DYNLRB2: variants seen among roughly 807,000 people sequenced by gnomAD.
The protein encoded by DYNLRB2 is dynein light chain roadblock-type 2.
Under a neutral mutation model 12.6 loss-of-function variants are expected in DYNLRB2, and 14 were observed. The ratio of observed to expected loss-of-function variants is 1.11; its 90% CI spans 0.73 to 1.73. DYNLRB2 has a LOEUF of 1.73. DYNLRB2 is among the 40% of genes most tolerant of loss of function. The pLI, the probability that DYNLRB2 is intolerant of heterozygous loss-of-function variation, is 0.00. For missense variants in DYNLRB2, 142 were observed against 117.7 expected (o/e 1.21, Z -0.95); for synonymous variants, 53 against 37.0 (o/e 1.43, Z -1.57).
At chr16:80,546,487 G>A (rs901257657) in intron 2 of DYNLRB2, among the ~76,000 whole-genome samples, 2 of 151,934 alleles carry the variant, frequency 1.3e-5, no homozygotes, top group East Asian at 1.9e-4. Flanking sequence ...ATAGTCCTTC[G>A]GTTTCACTGT....
Position 80,549,617 on chromosome 16 carries a change from C to T in DYNLRB2, c.213C>T (p.Ile71=), listed in dbSNP as rs762959332. The stretch of plus-strand genomic sequence containing the variant: ...AGAACGACCTGACTTTTCTTAGGAT[C>T]AGATCAAAGAAACATGAAATCATGG... ...DPQNDLTFLR[I]RSKKHEIMVA... The change falls in exon 3 of 4, where the codon ATC becomes ATT. Residue 71 remains isoleucine (I), a synonymous_variant. Transcript: ENST00000305904. 1.9e-6 allele frequency: 3 copies of T among 1,611,610 alleles called. No homozygotes were observed. Among genetic ancestry groups the T allele is most frequent in the East Asian group, 2.2e-5 (1 of 44,824 alleles).
intron 2 of DYNLRB2, among the ~76,000 whole-genome samples, chr16:80,548,459 G>T (rs1367677538): frequency 6.6e-6 from 1 of 152,132 alleles, no homozygotes; most frequent in Non-Finnish European, 1.5e-5. Context: ...GGGCATGGTG[G>T]CTCACGCCTG....
rs761636142 is a variant in DYNLRB2, at chr16:80,549,530, T to C, written c.126T>C (p.Tyr42=). The change falls in exon 3 of 4, where the codon TAT becomes TAC. Residue 42 remains tyrosine, a synonymous_variant. Coordinates refer to ENST00000305904, the MANE Select transcript of DYNLRB2 (RefSeq NM_130897.3). The part of the protein sequence containing the change: ...TTLDNSTTVQ[Y]AGLLHHLTMK... ...TGGACAACTCAACAACTGTTCAATA[T>C]GCAGGCCTTCTTCATCACCTGACAA... is the stretch of plus-strand genomic sequence containing the variant. 4.3e-6 allele frequency: 7 copies of C among 1,613,472 alleles called. No individual in the cohort carries two copies. The highest frequency in any genetic ancestry group is 1.1e-5 in the South Asian group (1 of 91,006).
At chr16:80,546,152 A>G (rs1904452933) in intron 2 of DYNLRB2, among the ~76,000 whole-genome samples, 1 of 152,206 alleles carries the variant, frequency 6.6e-6, no homozygotes, top group Admixed American at 6.5e-5. Context: ...AGAGTATATA[A>G]CAAGGGTGTT....
intron 1 of DYNLRB2, 48 bp downstream of exon 1, chr16:80,541,127 C>T (rs1474986272): frequency 1.3e-6 from 2 of 1,590,660 alleles, no homozygotes; most frequent in Non-Finnish European, 8.6e-7. Flanking sequence ...AGCACGCCGA[C>T]CGTCAAGGAC....
chr16:80,546,584 T>A (rs1302441611), intron 2 of DYNLRB2, among the ~76,000 whole-genome samples: 1 of 152,240 alleles, frequency 6.6e-6, no homozygotes, highest in Non-Finnish European at 1.5e-5. Context: ...GAGTAGATTT[T>A]TGTTAGCATT....
At position 80,549,266 on chromosome 16, in the gene DYNLRB2, C is replaced by T. The variant is rs960540259; in HGVS notation, c.80-218C>T. ...TATAATTTTGTGAAGAAAAAAGCAA[C>T]AGTCAAGTTTGTAAATATAGTTTCA... is the stretch of plus-strand genomic sequence containing the variant. On this transcript the variant is annotated intron_variant, in intron 2 of 3. Coordinates refer to ENST00000305904, the MANE Select transcript of DYNLRB2 (RefSeq NM_130897.3). The T allele has an allele frequency of 8.2e-5, 39 of 476,732 alleles. No homozygotes were observed. In the Admixed American group the frequency reaches 1.3e-3, roughly 16 times the overall value. 29.5% of individuals were successfully genotyped at this position (476,732 alleles called of 1,614,324 possible). A position where few individuals can be genotyped will look rare whatever the true frequency, so the allele number is the denominator to read the frequency against.
intron 1 of DYNLRB2, among the ~76,000 whole-genome samples, chr16:80,542,853 G>A (rs1477608210): frequency 6.6e-6 from 1 of 152,184 alleles, no homozygotes; most frequent in Non-Finnish European, 1.5e-5. Context: ...GACAGAGGGA[G>A]GCCATGATAT....
At chr16:80,540,965 A>C (rs990760734), upstream of DYNLRB2, 1 of 1,562,034 alleles carries the variant, frequency 6.4e-7, no homozygotes, top group Non-Finnish European at 8.7e-7. Flanking sequence ...CGCAGCCCTG[A>C]CGCTTCCGTG....
chr16:80,542,059 T>A (rs1161709751), intron 1 of DYNLRB2, among the ~76,000 whole-genome samples: 2 of 152,208 alleles, frequency 1.3e-5, no homozygotes, highest in Non-Finnish European at 2.9e-5. Context: ...TTAATACCAC[T>A]GTCATTTGGA....
chr16:80,550,237 C>G (rs977844918), intron 3 of DYNLRB2, among the ~76,000 whole-genome samples: 3 of 152,196 alleles, frequency 2.0e-5, no homozygotes, highest in Admixed American at 6.5e-5. Context: ...ACACCAGTGT[C>G]CTCACCCTGG....
intron 2 of DYNLRB2, among the ~76,000 whole-genome samples, chr16:80,544,182 T>G (rs1256338182): frequency 6.6e-6 from 1 of 152,230 alleles, no homozygotes; most frequent in Non-Finnish European, 1.5e-5. Context: ...GAAAGTCTGC[T>G]TAAATTCTGA....
chr16:80,548,491 C>A (rs955301028), intron 2 of DYNLRB2, among the ~76,000 whole-genome samples: 1 of 152,126 alleles, frequency 6.6e-6, no homozygotes, highest in African/African-American at 2.4e-5. Context: ...CTGTGGGAGG[C>A]ATGAGGCGGG....
rs749499803 is a variant in DYNLRB2, at chr16:80,550,573, A to T, written c.*15A>T. ...CATGTGAATAGACCTGCGATGGCCAAGGCTGTTTAAGCGACACTGGGTTGG... is the reference window on the plus strand; with the variant it reads ...CATGTGAATAGACCTGCGATGGCCATGGCTGTTTAAGCGACACTGGGTTGG... On this transcript the variant is annotated 3_prime_UTR_variant, in exon 4 of 4. Coordinates refer to ENST00000305904, the MANE Select transcript of DYNLRB2 (RefSeq NM_130897.3). 7.4e-6 allele frequency: 12 copies of T among 1,614,190 alleles called. No individual in the cohort carries two copies.
At chr16:80,545,504 T>TA (rs1471033992) in intron 2 of DYNLRB2, among the ~76,000 whole-genome samples, 2 of 152,000 alleles carry the variant, frequency 1.3e-5, no homozygotes, top group African/African-American at 4.8e-5. Context: ...GGTGCACACA[T>TA]ACACTTCAAA....
rs541572176 is a variant in DYNLRB2 at position 80,547,946 on chromosome 16, AAG to A, written c.80-1534_80-1533del. ...TGGACATAGCAGTTATCTTAAAAGA[AAG>A]AGAAATCAGTCTTCAAAGTCAAAAT... is the stretch of plus-strand genomic sequence containing the variant. On this transcript the variant is annotated intron_variant, in intron 2 of 3. Transcript: ENST00000305904. 526 of 331,824 alleles carry A rather than the reference AAG, an allele frequency of 1.6e-3. 3 individuals are homozygous for A. Among genetic ancestry groups the A allele is most frequent in the Non-Finnish European group, 2.5e-3 (421 of 167,720 alleles). 20.6% of individuals were successfully genotyped at this position (331,824 alleles called of 1,614,324 possible).
intron 2 of DYNLRB2, among the ~76,000 whole-genome samples, chr16:80,545,608 A>G (rs926101835): frequency 6.6e-6 from 1 of 150,542 alleles, no homozygotes; most frequent in Non-Finnish European, 1.5e-5. Context: ...GAGGTTCCTC[A>G]ATTAACACTT....
intron 1 of DYNLRB2, among the ~76,000 whole-genome samples, chr16:80,542,830 A>C (rs1382811748): frequency 6.6e-6 from 1 of 152,246 alleles, no homozygotes; most frequent in Non-Finnish European, 1.5e-5. Context: ...TTTCTCAATA[A>C]GGACTACTTT....
At chr16:80,548,026 A>G in intron 2 of DYNLRB2, 1 of 325,000 alleles carries the variant, frequency 3.1e-6, no homozygotes, top group South Asian at 2.5e-5. Context: ...AGTTTGTAAC[A>G]CTCTTCCATT....
Sources: allele counts gnomAD v4.1 joint callset (sites outside exome capture counted in the v4.1 genomes callset), GRCh38; gene constraint gnomAD v4.1.1; transcripts MANE v1.5; gene names NCBI Gene and HGNC (gene_info 2026-07-23, HGNC 2026-07-21).